TSPAN14: variants seen among roughly 807,000 people sequenced by gnomAD.
TSPAN14 encodes tetraspanin 14.
A neutral mutation model predicts 36.6 loss-of-function variants in TSPAN14; 16 were observed. That is an observed-to-expected ratio of 0.44 (90% CI 0.30 to 0.66). The LOEUF (loss-of-function observed/expected upper bound fraction) is 0.66, where lower values mean the gene tolerates loss of function less well. TSPAN14 is among the 30% of genes least tolerant of loss of function. TSPAN14 has a pLI of 0.12. For synonymous variants in TSPAN14, 139 were observed against 143.8 expected (o/e 0.97, Z 0.24); for missense variants, 231 against 355.1 (o/e 0.65, Z 2.81).
At position 80,502,846 on chromosome 10, in the gene TSPAN14, C is replaced by T. The variant is rs560330618; in HGVS notation, c.82-1882C>T. Among the ~76,000 whole-genome samples, 6 of 152,128 alleles carry T rather than the reference C, an allele frequency of 3.9e-5. No homozygotes were observed. The South Asian group carries it at 8.3e-4, about 21-fold the overall frequency. On this transcript the variant is annotated intron_variant, in intron 2 of 8. Coordinates refer to ENST00000429989, the Ensembl canonical transcript of TSPAN14. ...TAAGCCTTGTGAATTATGAGATCATCGAGAGGGCTCAGGGCAGGGTGAAGG... is the reference window on the plus strand; with the variant it reads ...TAAGCCTTGTGAATTATGAGATCATTGAGAGGGCTCAGGGCAGGGTGAAGG...
intron 2 of TSPAN14, among the ~76,000 whole-genome samples, chr10:80,503,366 C>T (rs1016303164): frequency 2.0e-5 from 3 of 152,246 alleles, no homozygotes; most frequent in Admixed American, 6.5e-5. Context: ...ATCTGGCACT[C>T]GGGATGTACT....
intron 1 of TSPAN14, among the ~76,000 whole-genome samples, chr10:80,466,037 T>C (rs72819579): frequency 0.023 from 3,481 of 152,296 alleles, 51 homozygotes; most frequent in Middle Eastern, 0.041. Flanking sequence ...TACTGTCTCC[T>C]TTCTAAACCA....
exon 6 of TSPAN14, chr10:80,512,229 A>G (rs1393723050): frequency 6.2e-7 from 1 of 1,614,172 alleles, no homozygotes; most frequent in Non-Finnish European, 8.5e-7. Flanking sequence ...AGCCGAGAGA[A>G]GTGCGGGGTC....
At chr10:80,496,187 T>C (rs1187381739) in intron 2 of TSPAN14, among the ~76,000 whole-genome samples, 1 of 152,210 alleles carries the variant, frequency 6.6e-6, no homozygotes, top group Non-Finnish European at 1.5e-5. Flanking sequence ...ATTGGTGTTC[T>C]TATTTTTATT....
intron 2 of TSPAN14, among the ~76,000 whole-genome samples, chr10:80,504,384 C>T (rs1372781214): frequency 6.6e-6 from 1 of 152,182 alleles, no homozygotes; most frequent in Non-Finnish European, 1.5e-5. Flanking sequence ...GTGATGTCTT[C>T]GTATACACCA....
At chr10:80,504,590 C>G in intron 2 of TSPAN14, 138 bp from the exon 3 acceptor site, 1 of 920,262 alleles carries the variant, frequency 1.1e-6, no homozygotes, top group Non-Finnish European at 1.7e-6. Flanking sequence ...TATCTGTCAT[C>G]TGCGGGGCCT....
At chr10:80,517,592 G>A (rs111363960) in intron 8 of TSPAN14, among the ~76,000 whole-genome samples, 18 of 152,372 alleles carry the variant, frequency 1.2e-4, no homozygotes, top group African/African-American at 3.6e-4. Flanking sequence ...AGGGACAGGC[G>A]TGTCCTGCCC....
chr10:80,461,251 C>T (rs1005751910), intron 1 of TSPAN14, among the ~76,000 whole-genome samples: 4 of 152,200 alleles, frequency 2.6e-5, no homozygotes, highest in African/African-American at 9.7e-5. Context: ...CTTGTCTCAA[C>T]AGTCAGCTTT....
chr10:80,481,913 C>G (rs1309370314), intron 1 of TSPAN14, among the ~76,000 whole-genome samples: 1 of 152,104 alleles, frequency 6.6e-6, no homozygotes, highest in African/African-American at 2.4e-5. Flanking sequence ...GCCACCATGC[C>G]CGGCTAATTG....
At chr10:80,500,777 G>A (rs1384443540) in intron 2 of TSPAN14, among the ~76,000 whole-genome samples, 1 of 152,228 alleles carries the variant, frequency 6.6e-6, no homozygotes, top group Non-Finnish European at 1.5e-5. Context: ...AAGCGAGGGA[G>A]GGTGTGGTCT....
intron 1 of TSPAN14, among the ~76,000 whole-genome samples, chr10:80,487,462 A>C (rs571558700): frequency 1.3e-5 from 2 of 152,294 alleles, no homozygotes; most frequent in East Asian, 3.9e-4. Flanking sequence ...CATGCCAGTG[A>C]CATTGGAGCA....
chr10:80,520,976 G>T (rs12411781), exon 9 of TSPAN14: 1 of 410,310 alleles, frequency 2.4e-6, no homozygotes, highest in South Asian at 1.9e-5. Context: ...CCACAGGGCA[G>T]GGCTGTGGGC....
At chr10:80,476,396 T>C (rs952412842) in intron 1 of TSPAN14, among the ~76,000 whole-genome samples, 1 of 143,510 alleles carries the variant, frequency 7.0e-6, no homozygotes, top group East Asian at 2.1e-4. Context: ...GCTGTGAAAA[T>C]AGTTGTTTTA....
chr10:80,513,574 C>T (rs945013643), intron 6 of TSPAN14, among the ~76,000 whole-genome samples: 4 of 152,178 alleles, frequency 2.6e-5, no homozygotes, highest in African/African-American at 9.7e-5. Flanking sequence ...CAAACTGTGG[C>T]CCCCAGGCCA....
intron 1 of TSPAN14, among the ~76,000 whole-genome samples, chr10:80,478,139 A>G (rs528023741): frequency 1.9e-4 from 29 of 152,352 alleles, no homozygotes; most frequent in African/African-American, 6.5e-4. Context: ...GTCTATTTAG[A>G]GAAAAGAACA....
intron 2 of TSPAN14, among the ~76,000 whole-genome samples, chr10:80,499,742 T>A (rs969099593): frequency 6.6e-6 from 1 of 152,146 alleles, no homozygotes; most frequent in Non-Finnish European, 1.5e-5. Context: ...TAGCCTTAGG[T>A]CCATTAAGTA....
exon 9 of TSPAN14, chr10:80,521,127 G>A (rs1453622845): frequency 3.5e-6 from 1 of 286,056 alleles, no homozygotes; most frequent in African/African-American, 2.2e-5. Context: ...CCACTGGGGA[G>A]GTGGCAGGCA....
intron 1 of TSPAN14, among the ~76,000 whole-genome samples, chr10:80,473,729 G>A (rs184343521): frequency 2.1e-5 from 2 of 97,126 alleles, no homozygotes; most frequent in Admixed American, 2.1e-4. Context: ...TTTCTTTTTT[G>A]TTGGAAACCA....
At chr10:80,514,462 A>G (rs1840825027) in intron 7 of TSPAN14, among the ~76,000 whole-genome samples, 1 of 152,084 alleles carries the variant, frequency 6.6e-6, no homozygotes, top group African/African-American at 2.4e-5. Context: ...AGTAGTGACA[A>G]AGAGGGAGGC....
Sources: gnomAD v4.1 joint callset for allele counts (sites outside exome capture counted in the v4.1 genomes callset) on GRCh38, gnomAD v4.1.1 for gene constraint, MANE v1.5 for transcripts, NCBI Gene and HGNC (gene_info 2026-07-23, HGNC 2026-07-21) for gene names.